Variants in PTPN21 observed in about 807,000 individuals in gnomAD.
PTPN21 encodes protein tyrosine phosphatase non-receptor type 21, also known as tyrosine-protein phosphatase non-receptor type 21.
PTPN21 carries 77 observed loss-of-function variants against 131.8 expected under a neutral mutation model. The observed-to-expected ratio is 0.58, with a 90% CI of 0.49 to 0.71. The LOEUF (loss-of-function observed/expected upper bound fraction) is 0.71, where lower values mean the gene tolerates loss of function less well. PTPN21 is among the 30% of genes least tolerant of loss of function. The probability of loss-of-function intolerance (pLI) is 0.00; values close to 1 mark genes in which losing one functional copy is unlikely to be tolerated. For missense variants in PTPN21, 1,552 were observed against 1,527.1 expected (o/e 1.02, Z -0.27); for synonymous variants, 715 against 621.3 (o/e 1.15, Z -2.24).
At chr14:88,488,368 G>A (rs891646211) in intron 10 of PTPN21, among the ~76,000 whole-genome samples, 12 of 127,304 alleles carry the variant, frequency 9.4e-5, no homozygotes, top group Non-Finnish European at 1.3e-4. Context: ...TGTAGTAGCC[G>A]GCTCTACTAA....
intron 18 of PTPN21, 84 bp downstream of exon 18, chr14:88,468,832 A>C: frequency 6.4e-7 from 1 of 1,563,404 alleles, no homozygotes; most frequent in South Asian, 1.1e-5. Context: ...AATGTGCGCA[A>C]AAAGAGCTAT....
At chr14:88,540,234 T>C (rs921774916) in intron 2 of PTPN21, among the ~76,000 whole-genome samples, 48 of 152,206 alleles carry the variant, frequency 3.2e-4, no homozygotes, top group African/African-American at 1.2e-3. Flanking sequence ...GAGCTGCCAG[T>C]TAATGAGTGT....
intron 2 of PTPN21, among the ~76,000 whole-genome samples, chr14:88,520,915 C>G (rs2078379971): frequency 6.6e-6 from 1 of 152,152 alleles, no homozygotes; most frequent in Admixed American, 6.6e-5. Flanking sequence ...ATGATCACGG[C>G]TCACTGCAAC....
Position 88,469,877 on chromosome 14 carries a change from T to C in PTPN21, c.3000+45A>G, listed in dbSNP as rs768554733. ...GATTCCAGATGATTAACATTAACTG[T>C]TCTTCAGAGGCTGAGAAAATCACTT... On this transcript the variant is annotated intron_variant, in intron 16 of 18. Transcript: ENST00000556564. The surrounding 1 kb of genome is among the most constrained non-coding windows in gnomAD (Gnocchi z 4.3). 2.5e-6 allele frequency: 4 copies of C among 1,612,356 alleles called. No homozygotes were observed. In the Admixed American group the frequency reaches 6.7e-5, roughly 27 times the overall value.
At chr14:88,468,323 TG>T in intron 18 of PTPN21, 58 bp from the exon 19 acceptor site, 1 of 1,483,076 alleles carries the variant, frequency 6.7e-7, no homozygotes, top group East Asian at 2.3e-5. Flanking sequence ...ACAGAAAGGA[TG>T]GGAGGACACG....
chr14:88,534,623 C>G (rs1433833486), intron 2 of PTPN21, among the ~76,000 whole-genome samples: 1 of 152,056 alleles, frequency 6.6e-6, no homozygotes, highest in African/African-American at 2.4e-5. Flanking sequence ...CCTGTAATCC[C>G]AGCACTTTAG....
chr14:88,501,506 A>G (rs2078007435), intron 6 of PTPN21, 138 bp from the exon 7 acceptor site: 1 of 741,084 alleles, frequency 1.3e-6, no homozygotes, highest in Middle Eastern at 2.8e-4. Context: ...ATAATTGGCT[A>G]TATCAATCTT....
chr14:88,489,932 C>T (rs1431887665), intron 10 of PTPN21, among the ~76,000 whole-genome samples: 1 of 152,002 alleles, frequency 6.6e-6, no homozygotes, highest in African/African-American at 2.4e-5. Context: ...CCAGCAGAGA[C>T]CATCTCAGGT....
Position 88,477,189 on chromosome 14 carries a change from T to C in PTPN21, c.2511+1731A>G, listed in dbSNP as rs577867033. 2.0e-5 allele frequency among the ~76,000 whole-genome samples: 3 copies of C among 152,274 alleles called. No homozygotes were observed. The East Asian group carries it at 5.8e-4, about 29-fold the overall frequency. On this transcript the variant is annotated intron_variant, in intron 13 of 18. Transcript: ENST00000556564. Reference sequence around the variant, plus strand: ...TGTGTCCACTGAAGGCATTGGCCTTTACTGTTCAGGGATGTGAGTTATGTT... The same window carrying C: ...TGTGTCCACTGAAGGCATTGGCCTTCACTGTTCAGGGATGTGAGTTATGTT...
chr14:88,541,756 G>A (rs2078709676), intron 2 of PTPN21, among the ~76,000 whole-genome samples: 1 of 152,198 alleles, frequency 6.6e-6, no homozygotes, highest in Admixed American at 6.5e-5. Flanking sequence ...GGTCAGCGAG[G>A]GGAGGCTCTA....
intron 3 of PTPN21, among the ~76,000 whole-genome samples, chr14:88,512,125 C>G (rs1027142020): frequency 2.6e-5 from 4 of 152,172 alleles, no homozygotes; most frequent in African/African-American, 9.7e-5. Flanking sequence ...CAACCTTATG[C>G]CTACCACGTT....
rs568874404 is a variant in PTPN21, at chr14:88,471,887, C to T, written c.2871+357G>A. On this transcript the variant is annotated intron_variant, in intron 15 of 18. Coordinates refer to ENST00000556564, the MANE Select transcript of PTPN21 (RefSeq NM_007039.4). ...TACCACTGCACTCCACCTGTCTGGG[C>T]GACAGAGCAAGACTCTATCTCAAAA... Among the ~76,000 whole-genome samples, 9 of 150,422 alleles carry T rather than the reference C, an allele frequency of 6.0e-5. No homozygotes were observed. In the South Asian group the frequency reaches 1.3e-3, roughly 21 times the overall value.
intron 2 of PTPN21, among the ~76,000 whole-genome samples, chr14:88,534,385 GAAA>G (rs1187780398): frequency 2.8e-5 from 3 of 106,612 alleles, no homozygotes; most frequent in African/African-American, 6.9e-5. Flanking sequence ...TGTCTCAAAA[GAAA>G]AAAAAAAAAG....
chr14:88,541,392 T>G (rs969110942), intron 2 of PTPN21, among the ~76,000 whole-genome samples: 1 of 152,346 alleles, frequency 6.6e-6, no homozygotes, highest in East Asian at 1.9e-4. Flanking sequence ...AAAAGAATGA[T>G]GAATCCTTGT....
Position 88,479,964 on chromosome 14 carries a change from C to T in PTPN21, c.1467G>A (p.Leu489=), listed in dbSNP as rs2077623056. 6.2e-7 allele frequency: 1 copy of T among 1,608,840 alleles called. No homozygotes were observed. The highest frequency in any genetic ancestry group is 8.5e-7 in the Non-Finnish European group (1 of 1,179,976). The part of the protein sequence containing the change: ...SSYAYSRPAA[L]VYSQPEIREH... ...CGCGGATCTCGGGCTGGCTGTAGAC[C>T]AGCGCCGCGGGCCTGCTGTAGGCGT... The change falls in exon 13 of 19, where the codon CTG becomes CTA. Residue 489 remains leucine (L), a synonymous_variant. Coordinates refer to ENST00000556564, the MANE Select transcript of PTPN21 (RefSeq NM_007039.4).
chr14:88,482,093 C>A (rs1453831421), intron 12 of PTPN21, among the ~76,000 whole-genome samples: 1 of 152,196 alleles, frequency 6.6e-6, no homozygotes, highest in Non-Finnish European at 1.5e-5. Flanking sequence ...AGTATTTTGT[C>A]AGCACAGCAT....
chr14:88,479,415 GCCCA>G lies in PTPN21; in HGVS notation c.2012_2015del (p.Val671AlafsTer22). 6.2e-7 allele frequency: 1 copy of G among 1,603,326 alleles called. No individual in the cohort carries two copies. Among genetic ancestry groups the G allele is most frequent in the African/African-American group, 1.3e-5 (1 of 74,912 alleles). On this transcript the variant is annotated frameshift_variant, in exon 13 of 19. Coordinates refer to ENST00000556564, the MANE Select transcript of PTPN21 (RefSeq NM_007039.4). LOFTEE classifies it high-confidence loss of function. The stretch of plus-strand genomic sequence containing the variant: ...TCTCGGTGAAAACGCTGGGCTGGGA[GCCCA>G]CCGAGACGGCTCGCGGCGCCACCTC...
At chr14:88,474,579 C>A (rs1266808845) in intron 13 of PTPN21, among the ~76,000 whole-genome samples, 1 of 151,980 alleles carries the variant, frequency 6.6e-6, no homozygotes. Context: ...AAGCCCCCTC[C>A]TCATATGCTA....
intron 2 of PTPN21, among the ~76,000 whole-genome samples, chr14:88,528,244 G>T (rs1274853831): frequency 6.6e-6 from 1 of 152,118 alleles, no homozygotes; most frequent in African/African-American, 2.4e-5. Flanking sequence ...TTGGCAATAT[G>T]GTCATTTTCA....
Sources: gnomAD v4.1 joint callset for allele counts (sites outside exome capture counted in the v4.1 genomes callset) on GRCh38, gnomAD v4.1.1 for gene constraint, Gnocchi (gnomAD v3.1) non-coding constraint, MANE v1.5 for transcripts, NCBI Gene and HGNC (gene_info 2026-07-23, HGNC 2026-07-21) for gene names.